The following PCLO variants were observed in gnomAD, a reference collection of about 807,000 sequenced individuals.
PCLO encodes the protein piccolo presynaptic cytomatrix protein.
Under a neutral mutation model 427.5 loss-of-function variants are expected in PCLO, and 82 were observed. The observed-to-expected ratio is 0.19, with a 90% CI of 0.16 to 0.23. PCLO has a LOEUF of 0.23. PCLO is among the 10% of genes least tolerant of loss of function. PCLO has a pLI of 1.00. For missense variants in PCLO, 6,239 were observed against 6,115.9 expected (o/e 1.02, Z -0.67); for synonymous variants, 2,357 against 2,155.4 (o/e 1.09, Z -2.59).
At chr7:83,121,269 CTTGT>C (rs1467651793) in intron 3 of PCLO, among the ~76,000 whole-genome samples, 2 of 152,038 alleles carry the variant, frequency 1.3e-5, no homozygotes, top group African/African-American at 4.8e-5. Context: ...TTTCCATTTG[CTTGT>C]TTGTTTGTTG....
In PCLO at chr7:82,953,290, G is replaced by A. The variant is rs1458465865; in HGVS notation, c.7663C>T (p.Pro2555Ser). Reference protein sequence around the residue: ...NLVTSADYKLPSPTSPLSPHS... With the variant: ...NLVTSADYKLSSPTSPLSPHS... Reference sequence around the variant, plus strand: ...GGGGAAAGTGGGGAGGTAGGGGAAGGCAATTTATAATCTGCTGAAGTCACT... The same window carrying A: ...GGGGAAAGTGGGGAGGTAGGGGAAGACAATTTATAATCTGCTGAAGTCACT... The change falls in exon 5 of 25, where the codon CCT (proline) becomes TCT (serine). Residue 2555 changes from proline (P) to serine (S), a missense_variant. Physicochemically the swap from Pro to Ser is moderately conservative, Grantham distance 74 (BLOSUM62 -1). Around this residue, in one of 5 missense-constraint regions of PCLO, gnomAD observed 4,677 missense variants for 4,468.4 expected, o/e 1.05. Coordinates refer to ENST00000333891, the MANE Select transcript of PCLO (RefSeq NM_033026.6). The A allele has an allele frequency of 1.9e-6, 3 of 1,613,664 alleles. No individual in the cohort carries two copies. The highest frequency in any genetic ancestry group is 1.1e-5 in the South Asian group (1 of 91,072).
In PCLO at chr7:82,943,072, T is replaced by C. The variant is rs74393279; in HGVS notation, c.11112+6404A>G. Among the ~76,000 whole-genome samples, 1,277 of 152,224 alleles carry C rather than the reference T, an allele frequency of 8.4e-3. 97 individuals are homozygous for C. In the East Asian group the frequency reaches 0.19, roughly 23 times the overall value. On this transcript the variant is annotated intron_variant, in intron 6 of 24. Coordinates refer to ENST00000333891, the MANE Select transcript of PCLO (RefSeq NM_033026.6). Reference sequence around the variant, plus strand: ...TGGAAGAATTGACAGAAATACAATTTCTCAATTTAGGTTATGGAAATTACT... The same window carrying C: ...TGGAAGAATTGACAGAAATACAATTCCTCAATTTAGGTTATGGAAATTACT...
chr7:82,780,874 T>C (rs1410898173), intron 22 of PCLO, among the ~76,000 whole-genome samples: 2 of 152,162 alleles, frequency 1.3e-5, no homozygotes, highest in Non-Finnish European at 2.9e-5. Flanking sequence ...ATTGGGTGAA[T>C]CATAATATTC....
intron 3 of PCLO, among the ~76,000 whole-genome samples, chr7:83,097,008 A>T (rs1287932925): frequency 4.0e-5 from 1 of 25,162 alleles, no homozygotes; most frequent in Admixed American, 8.8e-4. Flanking sequence ...TATATAAATA[A>T]TATATATTAT....
chr7:82,897,066 T>A (rs1793922600), intron 9 of PCLO, among the ~76,000 whole-genome samples: 1 of 151,830 alleles, frequency 6.6e-6, no homozygotes, highest in African/African-American at 2.4e-5. Flanking sequence ...TTTGTTCTTT[T>A]TTTTCTGTTC....
At position 83,023,182 on chromosome 7, in the gene PCLO, T is replaced by C. The variant is rs187710940; in HGVS notation, c.3301-56695A>G. On this transcript the variant is annotated intron_variant, in intron 3 of 24. Coordinates refer to ENST00000333891, the MANE Select transcript of PCLO (RefSeq NM_033026.6). ...AATGGCATTTAAAAAGCTAAGAGTA[T>C]ATGGCAAAATGATTTTATGACTTCC... is the stretch of plus-strand genomic sequence containing the variant. Among the ~76,000 whole-genome samples, 959 of 152,300 alleles carry C rather than the reference T, an allele frequency of 6.3e-3. 9 individuals carry two copies. The highest frequency in any genetic ancestry group is 6.3e-3 in the Non-Finnish European group (428 of 68,010).
chr7:83,110,295 T>C (rs2116520388), intron 3 of PCLO, among the ~76,000 whole-genome samples: 1 of 152,074 alleles, frequency 6.6e-6, no homozygotes, highest in East Asian at 1.9e-4. Context: ...ACACAGATGC[T>C]CTTTACATGC....
chr7:82,905,704 G>T (rs1292315921), intron 8 of PCLO, among the ~76,000 whole-genome samples: 1 of 151,948 alleles, frequency 6.6e-6, no homozygotes, highest in African/African-American at 2.4e-5. Context: ...AGTGTCCAAG[G>T]AGCGAAAACA....
At chr7:82,815,834 A>C (rs115303589) in intron 20 of PCLO, among the ~76,000 whole-genome samples, 2 of 152,082 alleles carry the variant, frequency 1.3e-5, no homozygotes, top group African/African-American at 4.8e-5. Context: ...TATTTTGATT[A>C]ATCTGTTCAA....
At chr7:82,767,280 G>C (rs1195938081) in intron 22 of PCLO, among the ~76,000 whole-genome samples, 5 of 152,032 alleles carry the variant, frequency 3.3e-5, no homozygotes, top group African/African-American at 4.8e-5. Context: ...TGCTTCTTTG[G>C]TCGTATTAAA....
intron 10 of PCLO, among the ~76,000 whole-genome samples, chr7:82,875,680 C>T (rs914056937): frequency 6.6e-6 from 1 of 152,052 alleles, no homozygotes; most frequent in Non-Finnish European, 1.5e-5. Flanking sequence ...AAATGTTAGA[C>T]TCTGATGTCT....
Position 82,952,321 on chromosome 7 carries a change from C to A in PCLO, c.8632G>T (p.Gly2878Cys). ...ITKPVTVPPV[G>C]VTNGWTDSTV... ...CTATCAGTCCATCCATTTGTGACAC[C>A]AACAGGAGGCACAGTGACAGGTTTT... The change falls in exon 5 of 25, where the codon GGT becomes TGT. Residue 2878 changes from glycine to cysteine, a missense_variant. Transcript: ENST00000333891. The A allele has an allele frequency of 6.2e-7, 1 of 1,613,906 alleles. No homozygotes were observed. The highest frequency in any genetic ancestry group is 1.1e-5 in the South Asian group (1 of 91,082).
chr7:83,078,788 G>A (rs1583993182), intron 3 of PCLO, among the ~76,000 whole-genome samples: 1 of 151,928 alleles, frequency 6.6e-6, no homozygotes, highest in Non-Finnish European at 1.5e-5. Flanking sequence ...CGCCTGCCTC[G>A]GCCTCCCAAA....
chr7:82,806,473 GA>G (rs1371943586), intron 20 of PCLO, among the ~76,000 whole-genome samples: 1 of 152,060 alleles, frequency 6.6e-6, no homozygotes, highest in Admixed American at 6.6e-5. Context: ...TTGAATATAA[GA>G]ATCCATATTC....
chr7:83,091,974 C>A (rs1248764478), intron 3 of PCLO, among the ~76,000 whole-genome samples: 1 of 152,126 alleles, frequency 6.6e-6, no homozygotes, highest in African/African-American at 2.4e-5. Context: ...AGTTTCACTT[C>A]CAAATTTTTT....
At chr7:83,005,631 A>G (rs1279481747) in intron 3 of PCLO, among the ~76,000 whole-genome samples, 1 of 151,662 alleles carries the variant, frequency 6.6e-6, no homozygotes, top group Non-Finnish European at 1.5e-5. Context: ...AACTATATGA[A>G]GTGATGAATA....
chr7:82,879,829 G>C (rs767959624), intron 9 of PCLO: 1 of 454,092 alleles, frequency 2.2e-6, no homozygotes, highest in South Asian at 1.6e-5. Context: ...TTTACTTATA[G>C]AAGAGCAGTA....
intron 9 of PCLO, chr7:82,879,853 A>C (rs965340095): frequency 4.4e-6 from 2 of 454,116 alleles, no homozygotes; most frequent in Non-Finnish European, 8.8e-6. Flanking sequence ...ACTATTCCAA[A>C]TTGAGAAGAC....
intron 16 of PCLO, among the ~76,000 whole-genome samples, chr7:82,834,709 T>C (rs924911067): frequency 1.3e-5 from 2 of 152,178 alleles, no homozygotes; most frequent in African/African-American, 4.8e-5. Context: ...CTTTTGGCTA[T>C]GTACTAAGAA....
Sources: gnomAD v4.1 joint callset for allele counts (sites outside exome capture counted in the v4.1 genomes callset) on GRCh38, gnomAD v4.1.1 for gene constraint, gnomAD v4.1.1 regional missense constraint, MANE v1.5 for transcripts, NCBI Gene and HGNC (gene_info 2026-07-23, HGNC 2026-07-21) for gene names.